TMEM178A: variants seen among roughly 807,000 people sequenced by gnomAD.
TMEM178A encodes the protein transmembrane protein 178A.
TMEM178A carries 12 observed loss-of-function variants against 29.1 expected under a neutral mutation model. The observed-to-expected ratio is 0.41, with a 90% CI of 0.26 to 0.67. The LOEUF is 0.67. TMEM178A is among the 30% of genes least tolerant of loss of function. The pLI is 0.29. For synonymous variants in TMEM178A, 210 were observed against 187.2 expected (o/e 1.12, Z -0.99); for missense variants, 366 against 419.1 (o/e 0.87, Z 1.11).
At chr2:39,666,929 C>G (rs1391448634) in intron 1 of TMEM178A, among the ~76,000 whole-genome samples, 1 of 152,234 alleles carries the variant, frequency 6.6e-6, no homozygotes, top group East Asian at 1.9e-4. Flanking sequence ...TCATCCCAGC[C>G]TGGCAGGGCT....
intron 1 of TMEM178A, among the ~76,000 whole-genome samples, chr2:39,678,863 C>T (rs1198329060): frequency 6.6e-6 from 1 of 152,188 alleles, no homozygotes; most frequent in Non-Finnish European, 1.5e-5. Flanking sequence ...TTTTCTAGTC[C>T]TTCAATACAC....
downstream of TMEM178A, among the ~76,000 whole-genome samples, chr2:39,722,706 G>T (rs1672727644): frequency 6.6e-6 from 1 of 152,150 alleles, no homozygotes; most frequent in African/African-American, 2.4e-5. Context: ...TCTGCTTCAG[G>T]TAAGCATTTC....
chr2:39,696,750 A>G lies in TMEM178A; in HGVS notation c.401-7331A>G, dbSNP rs181887025. ...GTTTCTATGACTTAGCTTGGAACTCAGTATTGAAAACAACAGAAATTCACC... is the reference window on the plus strand; with the variant it reads ...GTTTCTATGACTTAGCTTGGAACTCGGTATTGAAAACAACAGAAATTCACC... On this transcript the variant is annotated intron_variant, in intron 1 of 3. Transcript: ENST00000281961. Among the ~76,000 whole-genome samples, 512 of 152,298 alleles carry G rather than the reference A, an allele frequency of 3.4e-3. 4 individuals carry two copies. Among genetic ancestry groups the G allele is most frequent in the African/African-American group, 0.012 (497 of 41,558 alleles).
intron 3 of TMEM178A, among the ~76,000 whole-genome samples, chr2:39,708,082 G>C (rs1672117881): frequency 1.3e-5 from 2 of 152,204 alleles, no homozygotes; most frequent in African/African-American, 2.4e-5. Flanking sequence ...ACAATGATTT[G>C]TGGTAGTGAT....
intron 1 of TMEM178A, among the ~76,000 whole-genome samples, chr2:39,699,567 C>T (rs1671691468): frequency 1.3e-5 from 2 of 150,788 alleles, no homozygotes; most frequent in Non-Finnish European, 3.0e-5. Context: ...AGCAATCTTC[C>T]CACCTCAGCC....
At chr2:39,732,307 A>C in the TMEM178A span, among the ~76,000 whole-genome samples, 1 of 152,130 alleles carries the variant, frequency 6.6e-6, no homozygotes, top group East Asian at 1.9e-4. Flanking sequence ...TGCTCACTGG[A>C]GACTCCTCAT....
intron 1 of TMEM178A, among the ~76,000 whole-genome samples, chr2:39,690,206 C>A (rs903179519): frequency 5.9e-5 from 9 of 152,190 alleles, no homozygotes; most frequent in African/African-American, 2.2e-4. Flanking sequence ...ACGGTGAACT[C>A]CATCAAGGGG....
intron 1 of TMEM178A, among the ~76,000 whole-genome samples, chr2:39,698,271 C>T (rs1049088989): frequency 1.3e-5 from 2 of 152,136 alleles, no homozygotes; most frequent in African/African-American, 4.8e-5. Context: ...GAGTAATAGC[C>T]TCAGGCTAGT....
intron 3 of TMEM178A, among the ~76,000 whole-genome samples, chr2:39,708,371 A>C (rs1044911547): frequency 2.0e-5 from 3 of 150,436 alleles, no homozygotes; most frequent in African/African-American, 7.3e-5. Context: ...TAAGGGTGAC[A>C]AACGCCACTA....
the TMEM178A span, among the ~76,000 whole-genome samples, chr2:39,732,333 A>AGG: frequency 5.3e-5 from 8 of 152,210 alleles, no homozygotes; most frequent in Non-Finnish European, 7.4e-5. Flanking sequence ...CATGGCTATG[A>AGG]GGGAGGGGTG....
chr2:39,665,757 C>A, upstream of TMEM178A: 1 of 303,166 alleles, frequency 3.3e-6, no homozygotes, highest in Non-Finnish European at 5.2e-6. Context: ...GCTAGGAGCC[C>A]GGGGGCCGGG....
intron 1 of TMEM178A, among the ~76,000 whole-genome samples, chr2:39,673,467 C>T (rs572287319): frequency 2.6e-5 from 4 of 152,256 alleles, no homozygotes; most frequent in East Asian, 1.9e-4. Flanking sequence ...TTTAATATTT[C>T]GTTCATAGGT....
intron 1 of TMEM178A, among the ~76,000 whole-genome samples, chr2:39,697,173 T>A (rs1321542177): frequency 2.0e-5 from 3 of 152,222 alleles, no homozygotes; most frequent in Non-Finnish European, 2.9e-5. Context: ...TATGTGCTTG[T>A]CTTTTTATCA....
chr2:39,676,293 G>A (rs1173561278), intron 1 of TMEM178A, among the ~76,000 whole-genome samples: 1 of 152,210 alleles, frequency 6.6e-6, no homozygotes, highest in Non-Finnish European at 1.5e-5. Context: ...GAGAAAGCCT[G>A]CATGTGGCTA....
rs72934268 is a variant in TMEM178A, at chr2:39,677,757, C to T, written c.400+11383C>T. On this transcript the variant is annotated intron_variant, in intron 1 of 3. Coordinates refer to ENST00000281961, the MANE Select transcript of TMEM178A (RefSeq NM_152390.3). ...CTAGGCTCCTCTTGGACCTCTCGTT[C>T]GACACCGAGAGACCTATTTATTACA... Among the ~76,000 whole-genome samples the T allele has an allele frequency of 6.3e-3, 955 of 151,144 alleles. 14 individuals carry two copies. The highest frequency in any genetic ancestry group is 0.022 in the African/African-American group (894 of 41,098).
intron 1 of TMEM178A, among the ~76,000 whole-genome samples, chr2:39,668,003 C>G (rs1246141500): frequency 6.6e-6 from 1 of 152,228 alleles, no homozygotes; most frequent in Non-Finnish European, 1.5e-5. Flanking sequence ...TTTCCTTACA[C>G]TTTCTATGCT....
chr2:39,720,139 G>A (rs1051972577), downstream of TMEM178A, among the ~76,000 whole-genome samples: 6 of 152,070 alleles, frequency 3.9e-5, no homozygotes, highest in Admixed American at 3.3e-4. Context: ...CATTCCCATT[G>A]GCTGTGCATT....
chr2:39,688,333 G>A (rs560334542), intron 1 of TMEM178A, among the ~76,000 whole-genome samples: 13 of 152,332 alleles, frequency 8.5e-5, no homozygotes, highest in Admixed American at 2.0e-4. Flanking sequence ...GACTTGGGTC[G>A]TGATTTAGAG....
the TMEM178A span, among the ~76,000 whole-genome samples, chr2:39,734,491 T>C: frequency 6.6e-6 from 1 of 152,232 alleles, no homozygotes; most frequent in East Asian, 1.9e-4. Flanking sequence ...TCCCATCCAG[T>C]TTCATGCCAC....
Sources: allele counts gnomAD v4.1 joint callset (sites outside exome capture counted in the v4.1 genomes callset), GRCh38; gene constraint gnomAD v4.1.1; transcripts MANE v1.5; gene names NCBI Gene and HGNC (gene_info 2026-07-23, HGNC 2026-07-21).